The following DPYSL3 variants were observed in gnomAD, a reference collection of about 807,000 sequenced individuals.
The protein encoded by DPYSL3 is dihydropyrimidinase-related protein 3.
Under a neutral mutation model 66.1 loss-of-function variants are expected in DPYSL3, and 16 were observed. The observed-to-expected ratio is 0.24, with a 90% CI of 0.16 to 0.37. The LOEUF (loss-of-function observed/expected upper bound fraction) is 0.37. Ranked by LOEUF, DPYSL3 falls within the 10% of genes least tolerant of loss-of-function variation. DPYSL3 has a pLI of 1.00. For synonymous variants in DPYSL3, 338 were observed against 345.1 expected (o/e 0.98, Z 0.23); for missense variants, 738 against 916.2 (o/e 0.81, Z 2.51).
At chr5:147,401,140 A>G (rs1215935842) in intron 9 of DPYSL3, among the ~76,000 whole-genome samples, 1 of 152,174 alleles carries the variant, frequency 6.6e-6, no homozygotes, top group Admixed American at 6.5e-5. Context: ...TCTCCCTATA[A>G]TTTTGATTGT....
At chr5:147,397,069 T>C (rs1485457522) in intron 12 of DPYSL3, among the ~76,000 whole-genome samples, 2 of 148,014 alleles carry the variant, frequency 1.4e-5, no homozygotes, top group Non-Finnish European at 3.0e-5. Flanking sequence ...ATATATTAAG[T>C]ATATATAAAT....
At chr5:147,410,574 C>A (rs1050445376) in intron 6 of DPYSL3, among the ~76,000 whole-genome samples, 1 of 152,132 alleles carries the variant, frequency 6.6e-6, no homozygotes, top group South Asian at 2.1e-4. Flanking sequence ...AGGAAAGGAA[C>A]CCTGTCTTTT....
chr5:147,450,591 A>T (rs1752709367), intron 1 of DPYSL3, among the ~76,000 whole-genome samples: 1 of 152,180 alleles, frequency 6.6e-6, no homozygotes, highest in South Asian at 2.1e-4. Context: ...CAACTCCAAC[A>T]GGGACACAGA....
chr5:147,436,814 T>C (rs777079347), intron 1 of DPYSL3, among the ~76,000 whole-genome samples: 4 of 152,144 alleles, frequency 2.6e-5, no homozygotes, highest in Non-Finnish European at 5.9e-5. Flanking sequence ...CAAACCAGAC[T>C]GAGTTTTAAA....
Position 147,509,620 on chromosome 5 carries a change from C to T in DPYSL3, c.239G>A (p.Gly80Glu), listed in dbSNP as rs1232175382. ...CCTGCGCGGGGTGTCCCCCTCGATCCCGGGCCGACTCCCCGATCCTCGGTC... is the reference window on the plus strand; with the variant it reads ...CCTGCGCGGGGTGTCCCCCTCGATCTCGGGCCGACTCCCCGATCCTCGGTC... The part of the protein sequence containing the change: ...GSDRGSGSRP[G>E]IEGDTPRRGQ... The change falls in exon 1 of 14, where the codon GGG (glycine) becomes GAG (glutamate). Residue 80 changes from glycine (G) to glutamate (E), a missense_variant. Physicochemically the swap from Gly to Glu is moderately conservative, Grantham distance 98. Coordinates refer to ENST00000343218, the MANE Select transcript of DPYSL3 (RefSeq NM_001197294.2). The surrounding 1 kb of genome is among the most constrained non-coding windows in gnomAD (Gnocchi z 5.3). The T allele has an allele frequency of 6.5e-7, 1 of 1,535,636 alleles. No homozygotes were observed.
At chr5:147,428,228 TAAG>T in intron 1 of DPYSL3, among the ~76,000 whole-genome samples, 1 of 152,296 alleles carries the variant, frequency 6.6e-6, no homozygotes, top group East Asian at 1.9e-4. Flanking sequence ...GAGAAGAGAT[TAAG>T]AAGAGTTTTC....
At chr5:147,430,277 C>T (rs375351004) in intron 1 of DPYSL3, among the ~76,000 whole-genome samples, 2 of 151,862 alleles carry the variant, frequency 1.3e-5, no homozygotes, top group East Asian at 3.9e-4. Context: ...GGGTGGGTCA[C>T]CTGAGGTCAG....
At chr5:147,438,420 G>A (rs1189885801) in intron 1 of DPYSL3, among the ~76,000 whole-genome samples, 4 of 152,140 alleles carry the variant, frequency 2.6e-5, no homozygotes, top group Non-Finnish European at 5.9e-5. Flanking sequence ...AGAGACAAGT[G>A]GGTAGTTAAT....
intron 1 of DPYSL3, among the ~76,000 whole-genome samples, chr5:147,495,978 A>C (rs994224673): frequency 3.3e-5 from 5 of 152,232 alleles, no homozygotes; most frequent in Admixed American, 1.3e-4. Context: ...TGGAGGCATC[A>C]TGCTACCTGA....
chr5:147,481,522 C>A (rs1441189823), intron 1 of DPYSL3, among the ~76,000 whole-genome samples: 1 of 152,170 alleles, frequency 6.6e-6, no homozygotes, highest in African/African-American at 2.4e-5. Context: ...TTGCCCACAC[C>A]TCCCAAGTCT....
At chr5:147,473,399 T>C (rs1436490288) in intron 1 of DPYSL3, 4 of 152,146 alleles carry the variant, frequency 2.6e-5, no homozygotes, top group Admixed American at 6.5e-5. Flanking sequence ...AAAACTTTGT[T>C]GGTTTTCTCA....
intron 2 of DPYSL3, 54 bp downstream of exon 2, chr5:147,424,821 C>T (rs1752165581): frequency 7.8e-7 from 1 of 1,289,272 alleles, no homozygotes; most frequent in Non-Finnish European, 1.1e-6. Context: ...CTTTATGAGC[C>T]ATTAATGAAG....
intron 1 of DPYSL3, among the ~76,000 whole-genome samples, chr5:147,480,659 T>C (rs777407491): frequency 2.0e-5 from 3 of 151,142 alleles, no homozygotes; most frequent in Non-Finnish European, 4.4e-5. Context: ...TACAGATTTG[T>C]TGAAATGAAC....
intron 1 of DPYSL3, among the ~76,000 whole-genome samples, chr5:147,501,282 G>T (rs796206624): frequency 6.6e-6 from 1 of 152,082 alleles, no homozygotes; most frequent in African/African-American, 2.4e-5. Flanking sequence ...GCAGTAAAAA[G>T]ATCAGTGGTT....
At chr5:147,465,912 C>A (rs558882015) in intron 1 of DPYSL3, among the ~76,000 whole-genome samples, 2 of 152,270 alleles carry the variant, frequency 1.3e-5, no homozygotes, top group South Asian at 4.1e-4. Flanking sequence ...AGGAACACTC[C>A]CGAATAAACT....
At chr5:147,498,321 C>A (rs1161823043) in intron 1 of DPYSL3, among the ~76,000 whole-genome samples, 1 of 152,086 alleles carries the variant, frequency 6.6e-6, no homozygotes, top group Non-Finnish European at 1.5e-5. Context: ...ACCACGTTTT[C>A]TTTATCCAGT....
At chr5:147,497,152 A>T (rs1162563093) in intron 1 of DPYSL3, among the ~76,000 whole-genome samples, 3 of 151,796 alleles carry the variant, frequency 2.0e-5, no homozygotes, top group Non-Finnish European at 1.5e-5. Flanking sequence ...TCACAAGGAC[A>T]AAAAACCAAA....
chr5:147,464,177 A>G (rs889461181), intron 1 of DPYSL3, among the ~76,000 whole-genome samples: 2 of 152,314 alleles, frequency 1.3e-5, no homozygotes, highest in Non-Finnish European at 1.5e-5. Flanking sequence ...AGTCTGTGCA[A>G]GGATAGGGAG....
Position 147,453,442 on chromosome 5 carries a change from C to G in DPYSL3, c.382-28479G>C, listed in dbSNP as rs1042995291. On this transcript the variant is annotated intron_variant, in intron 1 of 13. Coordinates refer to ENST00000343218, the MANE Select transcript of DPYSL3 (RefSeq NM_001197294.2). Reference sequence around the variant, plus strand: ...CCCGGACCCCGGGTCTCCGTCCCTCCCCGGGGACCAGGCCAGAGAAGCCGG... The same window carrying G: ...CCCGGACCCCGGGTCTCCGTCCCTCGCCGGGGACCAGGCCAGAGAAGCCGG... The G allele has an allele frequency of 7.2e-6, 10 of 1,398,066 alleles. No individual in the cohort carries two copies. In the African/African-American group the frequency reaches 1.5e-4, roughly 21 times the overall value. The allele number at this position is 1,398,066 out of a possible 1,614,324, so 86.6% of individuals were successfully genotyped here.
Sources: gnomAD v4.1 joint callset for allele counts (sites outside exome capture counted in the v4.1 genomes callset) on GRCh38, gnomAD v4.1.1 for gene constraint, Gnocchi (gnomAD v3.1) non-coding constraint, MANE v1.5 for transcripts, NCBI Gene and HGNC (gene_info 2026-07-23, HGNC 2026-07-21) for gene names.